The following ADH6 variants were observed in gnomAD, a reference collection of about 807,000 sequenced individuals.
ADH6 encodes alcohol dehydrogenase 6.
ADH6 carries 34 observed loss-of-function variants against 36.5 expected under a neutral mutation model. The observed-to-expected ratio is 0.93, with a 90% CI of 0.71 to 1.24. The LOEUF is 1.24. Among genes scored for constraint, ADH6 ranks in the 50% most tolerant of loss-of-function variants. The pLI is 0.00. For synonymous variants in ADH6, 161 were observed against 155.5 expected (o/e 1.04, Z -0.26); for missense variants, 440 against 447.0 (o/e 0.98, Z 0.14).
At chr4:99,217,514 T>G (rs1465101945) in intron 1 of ADH6, among the ~76,000 whole-genome samples, 1 of 152,206 alleles carries the variant, frequency 6.6e-6, no homozygotes, top group Middle Eastern at 3.2e-3. Flanking sequence ...ATAATGATCT[T>G]CAGTTCTATC....
At chr4:99,204,743 T>C in intron 8 of ADH6, 182 bp downstream of exon 8, 2 of 1,286,004 alleles carry the variant, frequency 1.6e-6, no homozygotes, top group African/African-American at 1.5e-5. Flanking sequence ...TTATGTATTT[T>C]ATTAGCTAGA....
chr4:99,216,792 C>T (rs1731447760), intron 1 of ADH6, among the ~76,000 whole-genome samples: 1 of 151,286 alleles, frequency 6.6e-6, no homozygotes, highest in Non-Finnish European at 1.5e-5. Flanking sequence ...TTGCAATGAG[C>T]TGAGATCATG....
At chr4:99,206,656 A>G (rs1731047000) in intron 7 of ADH6, among the ~76,000 whole-genome samples, 1 of 151,830 alleles carries the variant, frequency 6.6e-6, no homozygotes, top group African/African-American at 2.4e-5. Flanking sequence ...ACATGCTGCC[A>G]TAGCTTACTT....
At chr4:99,206,970 A>T (rs1731058758) in intron 7 of ADH6, among the ~76,000 whole-genome samples, 1 of 152,042 alleles carries the variant, frequency 6.6e-6, no homozygotes. Flanking sequence ...ATTTTTTTTA[A>T]TCAATAGTAT....
chr4:99,211,014 A>G (rs932783204), intron 3 of ADH6, among the ~76,000 whole-genome samples: 14 of 152,172 alleles, frequency 9.2e-5, no homozygotes, highest in African/African-American at 3.1e-4. Context: ...TGGTCAAAGT[A>G]TCAGGACATG....
chr4:99,218,346 C>G (rs1319257063), intron 1 of ADH6, among the ~76,000 whole-genome samples: 3 of 152,150 alleles, frequency 2.0e-5, no homozygotes, highest in African/African-American at 7.2e-5. Flanking sequence ...TCTTCACAGT[C>G]TAAATTTTTC....
intron 1 of ADH6, among the ~76,000 whole-genome samples, chr4:99,216,522 T>G (rs1221677007): frequency 6.6e-6 from 1 of 152,136 alleles, no homozygotes; most frequent in African/African-American, 2.4e-5. Flanking sequence ...AGAGGATAGA[T>G]GTCATACTTT....
At chr4:99,212,991 A>C (rs1731278101) in intron 3 of ADH6, among the ~76,000 whole-genome samples, 1 of 119,752 alleles carries the variant, frequency 8.4e-6, no homozygotes, top group Non-Finnish European at 1.7e-5. Context: ...CCCTCCTCCA[A>C]GATAATACAG....
intron 8 of ADH6, 171 bp from the exon 9 acceptor site, chr4:99,204,414 T>C: frequency 7.1e-7 from 1 of 1,410,262 alleles, no homozygotes. Flanking sequence ...GACATGAAAC[T>C]CCAAGGGTAA....
At chr4:99,207,322 GAA>G in intron 7 of ADH6, 122 bp downstream of exon 7, 1 of 1,246,052 alleles carries the variant, frequency 8.0e-7, no homozygotes, top group Non-Finnish European at 1.1e-6. Flanking sequence ...TTCATATGTT[GAA>G]AAAAAAAATC....
chr4:99,216,290 G>C (rs1019146725), intron 1 of ADH6, 28 bp from the exon 2 acceptor site: 3 of 1,440,346 alleles, frequency 2.1e-6, no homozygotes, highest in Admixed American at 2.2e-5. Flanking sequence ...GGGGCAGAAA[G>C]AGAAGCTCCT....
chr4:99,215,705 G>A (rs993012924), intron 2 of ADH6: 1 of 152,486 alleles, frequency 6.6e-6, no homozygotes, highest in Non-Finnish European at 1.5e-5. Flanking sequence ...CTAAACCGCA[G>A]CTGGCTTCAG....
rs771006984 is a variant in ADH6 at position 99,204,239 on chromosome 4, G to A, written c.1108C>T (p.Arg370Cys). 52 of 1,599,920 alleles carry A rather than the reference G, an allele frequency of 3.3e-5. No homozygotes were observed. Among genetic ancestry groups the A allele is most frequent in the Non-Finnish European group, 3.5e-5 (41 of 1,177,904 alleles). The change falls in exon 9 of 9, where the codon CGC becomes TGC. Residue 370 changes from arginine (R) to cysteine (C), a missense_variant. Transcript: ENST00000394899. ...TGTACTTAAAGTAACAGGATACAGC[G>A]GATACTGAAAAAAAGAAGAAGAGAA... ...VELMKTGKCI[R>C]CILLL
chr4:99,216,075 A>C, intron 2 of ADH6, 86 bp downstream of exon 2: 2 of 601,652 alleles, frequency 3.3e-6, no homozygotes, highest in Non-Finnish European at 5.4e-6. Flanking sequence ...TCTGAGTTGA[A>C]TATCCGGATA....
rs28720135 is a variant in ADH6, at chr4:99,218,337, C to T, written c.18+798G>A. The stretch of plus-strand genomic sequence containing the variant: ...AGCCTCAATTTTTCTGTCCCTCAAT[C>T]TTCACAGTCTAAATTTTTCTAGGAT... On this transcript the variant is annotated intron_variant, in intron 1 of 8. Transcript: ENST00000394899. Among the ~76,000 whole-genome samples, 602 of 152,280 alleles carry T rather than the reference C, an allele frequency of 4.0e-3. 5 individuals carry two copies. The highest frequency in any genetic ancestry group is 0.014 in the Middle Eastern group (4 of 294).
At chr4:99,206,569 CTT>C (rs5860569) in intron 7 of ADH6, among the ~76,000 whole-genome samples, 18 of 147,114 alleles carry the variant, frequency 1.2e-4, no homozygotes, top group Admixed American at 3.4e-4. Flanking sequence ...TGGATTATTA[CTT>C]TTTTTTTTTT....
At chr4:99,204,821 A>G in intron 8 of ADH6, 104 bp downstream of exon 8, 2 of 1,465,488 alleles carry the variant, frequency 1.4e-6, no homozygotes, top group Non-Finnish European at 1.8e-6. Flanking sequence ...AATTATCAGT[A>G]TACAGCTTCT....
At chr4:99,214,404 T>A (rs901530161) in intron 2 of ADH6, among the ~76,000 whole-genome samples, 1 of 152,156 alleles carries the variant, frequency 6.6e-6, no homozygotes, top group African/African-American at 2.4e-5. Context: ...TAAAATGAAA[T>A]GAAATAAAGA....
Position 99,207,527 on chromosome 4 carries a change from C to A in ADH6, c.883G>T (p.Val295Leu). 2 of 1,613,574 alleles carry A rather than the reference C, an allele frequency of 1.2e-6. No homozygotes were observed. The highest frequency in any genetic ancestry group is 4.5e-5 in the East Asian group (2 of 44,864). Residue 295 changes from valine (V) to leucine (L), a missense_variant, in exon 7 of 9, where the codon GTG (valine) becomes TTG (leucine). Physicochemically the swap from Val to Leu is conservative, Grantham distance 32 (BLOSUM62 1). Transcript: ENST00000394899. The part of the protein sequence containing the change: ...ESYGVCVVVG[V>L]LPASVQLKIS... Reference sequence around the variant, plus strand: ...TTGAGTTGAACACTGGCAGGCAACACCCCAACAACCACACAGACCCCATAG... The same window carrying A: ...TTGAGTTGAACACTGGCAGGCAACAACCCAACAACCACACAGACCCCATAG...
Sources: allele counts gnomAD v4.1 joint callset (sites outside exome capture counted in the v4.1 genomes callset), GRCh38; gene constraint gnomAD v4.1.1; transcripts MANE v1.5; gene names NCBI Gene and HGNC (gene_info 2026-07-23, HGNC 2026-07-21).